Variants in CCDC30 observed in about 807,000 individuals in gnomAD.
CCDC30 encodes coiled-coil domain-containing protein 30.
A neutral mutation model predicts 100.2 loss-of-function variants in CCDC30; 70 were observed. The observed-to-expected ratio is 0.70, with a 90% confidence interval of 0.58 to 0.85. The LOEUF (loss-of-function observed/expected upper bound fraction) is 0.85. Among genes scored for constraint, CCDC30 ranks in the 40% least tolerant of loss-of-function variants. The pLI, the probability that CCDC30 is intolerant of heterozygous loss-of-function variation, is 0.00. For missense variants in CCDC30, 652 were observed against 771.2 expected (o/e 0.85, Z 1.83); for synonymous variants, 233 against 269.5 (o/e 0.86, Z 1.33).
At chr1:42,479,373 C>T (rs1643922228) in intron 1 of CCDC30, among the ~76,000 whole-genome samples, 1 of 151,774 alleles carries the variant, frequency 6.6e-6, no homozygotes, top group Non-Finnish European at 1.5e-5. Flanking sequence ...GAGACTCCAT[C>T]TCAAAAAAAG....
rs60204912 is a variant in CCDC30, at chr1:42,607,555, TAAA to T, written c.1165-3407_1165-3405del. ...GCAACATAGCAAGAACTTGTCTCTA[TAAA>T]AAAAAAAAAAAAAAAGAAAGGAAGG... On this transcript the variant is annotated intron_variant, in intron 10 of 16. Transcript: ENST00000668663. Among the ~76,000 whole-genome samples, 646 of 89,766 alleles carry T rather than the reference TAAA, an allele frequency of 7.2e-3. 4 individuals carry two copies. The highest frequency in any genetic ancestry group is 0.021 in the African/African-American group (549 of 26,514). 58.9% of individuals were successfully genotyped at this position (89,766 alleles called of 152,430 possible).
At chr1:42,497,206 G>A (rs1401150873) in exon 5 of CCDC30, 1 of 1,232,016 alleles carries the variant, frequency 8.1e-7, no homozygotes, top group African/African-American at 1.5e-5. Flanking sequence ...AAGGTGCTTG[G>A]TGAAATGGTA....
chr1:42,457,868 T>C, the CCDC30 span, among the ~76,000 whole-genome samples: 2 of 150,542 alleles, frequency 1.3e-5, no homozygotes, highest in Non-Finnish European at 2.9e-5. Flanking sequence ...GGCAGAAGAA[T>C]CGCTTGAAAC....
intron 3 of CCDC30, among the ~76,000 whole-genome samples, chr1:42,484,194 T>C (rs1007900625): frequency 6.6e-6 from 1 of 151,962 alleles, no homozygotes; most frequent in African/African-American, 2.4e-5. Flanking sequence ...TGGACACAAA[T>C]AACTTTTCAG....
exon 6 of CCDC30, chr1:42,498,882 C>G: frequency 8.1e-7 from 1 of 1,233,864 alleles, no homozygotes; most frequent in Non-Finnish European, 1.0e-6. Context: ...AACCACTCCC[C>G]TGGAAAAACT....
chr1:42,608,559 C>T (rs1339026656), intron 10 of CCDC30, among the ~76,000 whole-genome samples: 1 of 151,416 alleles, frequency 6.6e-6, no homozygotes, highest in African/African-American at 2.4e-5. Flanking sequence ...AAAAATTAGC[C>T]GGACGTGGCG....
intron 6 of CCDC30, among the ~76,000 whole-genome samples, chr1:42,515,577 C>T (rs370126061): frequency 7.9e-5 from 12 of 152,194 alleles, no homozygotes; most frequent in Admixed American, 3.3e-4. Context: ...CAGAAAGGTG[C>T]CTCACCAGAC....
chr1:42,488,193 T>A (rs1644081993), intron 3 of CCDC30, among the ~76,000 whole-genome samples: 1 of 152,086 alleles, frequency 6.6e-6, no homozygotes, highest in Admixed American at 6.6e-5. Flanking sequence ...AGAAAGAGAC[T>A]TAGAAATAGA....
intron 6 of CCDC30, among the ~76,000 whole-genome samples, chr1:42,532,462 T>C (rs74068449): frequency 0.012 from 1,781 of 152,352 alleles, 27 homozygotes; most frequent in African/African-American, 0.042. Context: ...AGTGCTGTTA[T>C]TACACGTGTT....
rs4503388 is a variant in CCDC30, at chr1:42,509,506, A to G, written c.456+10590A>G. ...ACCCCCACCCAGGAACTGACTTAGCACAGAAGACAGTCACCATTTTACAAT... is the reference window on the plus strand; with the variant it reads ...ACCCCCACCCAGGAACTGACTTAGCGCAGAAGACAGTCACCATTTTACAAT... On this transcript the variant is annotated intron_variant, in intron 6 of 16. Coordinates refer to ENST00000668663, the Ensembl canonical transcript of CCDC30. Among the ~76,000 whole-genome samples the G allele has an allele frequency of 3.8e-3, 584 of 152,294 alleles. 8 individuals carry two copies. The highest frequency in any genetic ancestry group is 0.013 in the African/African-American group (542 of 41,578).
At chr1:42,485,890 C>T (rs555843079) in intron 3 of CCDC30, among the ~76,000 whole-genome samples, 38 of 152,190 alleles carry the variant, frequency 2.5e-4, no homozygotes, top group Admixed American at 2.2e-3. Context: ...AGACGATGTT[C>T]GATACCATTA....
chr1:42,577,434 T>TA (rs1645863079), intron 8 of CCDC30, among the ~76,000 whole-genome samples: 1 of 152,184 alleles, frequency 6.6e-6, no homozygotes, highest in South Asian at 2.1e-4. Flanking sequence ...TTCATGGGCT[T>TA]AAAAAGGTCA....
At chr1:42,640,641 T>C (rs1024264433) in intron 12 of CCDC30, among the ~76,000 whole-genome samples, 2 of 151,862 alleles carry the variant, frequency 1.3e-5, no homozygotes, top group African/African-American at 4.8e-5. Context: ...TGCCTGTAAT[T>C]CTAGCACTTT....
At chr1:42,506,249 C>T (rs1295164515) in intron 6 of CCDC30, among the ~76,000 whole-genome samples, 1 of 152,206 alleles carries the variant, frequency 6.6e-6, no homozygotes, top group Non-Finnish European at 1.5e-5. Context: ...ATGCAGTTAT[C>T]TCCTGTTTGA....
At chr1:42,550,548 C>A (rs1291552003) in intron 6 of CCDC30, among the ~76,000 whole-genome samples, 1 of 152,206 alleles carries the variant, frequency 6.6e-6, no homozygotes, top group Non-Finnish European at 1.5e-5. Context: ...AGGACCTTTG[C>A]ACTAAAAGGT....
At chr1:42,466,407 C>A (rs1013507290) in intron 1 of CCDC30, among the ~76,000 whole-genome samples, 9 of 152,210 alleles carry the variant, frequency 5.9e-5, no homozygotes, top group Admixed American at 1.3e-4. Flanking sequence ...GCTTTACCAC[C>A]TTATTCTTTA....
At chr1:42,607,343 G>T (rs1248105909) in intron 10 of CCDC30, among the ~76,000 whole-genome samples, 1 of 152,112 alleles carries the variant, frequency 6.6e-6, no homozygotes, top group Non-Finnish European at 1.5e-5. Flanking sequence ...TTAGGAAGAG[G>T]TTTAGCTTTA....
intron 10 of CCDC30, among the ~76,000 whole-genome samples, chr1:42,600,236 CA>C (rs1570203101): frequency 2.6e-5 from 4 of 152,028 alleles, no homozygotes; most frequent in African/African-American, 4.8e-5. Flanking sequence ...GTCAATTCTC[CA>C]AGAAGAAAAA....
intron 3 of CCDC30, among the ~76,000 whole-genome samples, chr1:42,486,714 A>G (rs1489249007): frequency 6.6e-6 from 1 of 152,168 alleles, no homozygotes; most frequent in African/African-American, 2.4e-5. Context: ...TTGCTGTAGG[A>G]AATCTTAGCT....
Sources: allele counts gnomAD v4.1 joint callset (sites outside exome capture counted in the v4.1 genomes callset), GRCh38; gene constraint gnomAD v4.1.1; transcripts MANE v1.5; gene names NCBI Gene and HGNC (gene_info 2026-07-23, HGNC 2026-07-21).